EYA1: variants seen among roughly 807,000 people sequenced by gnomAD.
The protein encoded by EYA1 is EYA transcriptional coactivator and phosphatase 1, also known as protein phosphatase EYA1.
Under a neutral mutation model 82.0 loss-of-function variants are expected in EYA1, and 16 were observed. The observed-to-expected ratio is 0.20, with a 90% CI of 0.13 to 0.30. The LOEUF is 0.30. Among genes scored for constraint, EYA1 ranks in the 10% least tolerant of loss-of-function variants. The probability of loss-of-function intolerance (pLI) is 1.00; values close to 1 mark genes in which losing one functional copy is unlikely to be tolerated. For synonymous variants in EYA1, 261 were observed against 264.4 expected (o/e 0.99, Z 0.12); for missense variants, 633 against 730.7 (o/e 0.87, Z 1.54).
At chr8:71,496,589 C>T (rs1021170824) in intron 2 of EYA1, among the ~76,000 whole-genome samples, 5 of 152,074 alleles carry the variant, frequency 3.3e-5, no homozygotes, top group South Asian at 4.1e-4. Context: ...ACCCACAGAG[C>T]GAATATACCA....
At position 71,302,736 on chromosome 8, in the gene EYA1, G is replaced by A. The variant is rs570819824; in HGVS notation, c.557-3016C>T. On this transcript the variant is annotated intron_variant, in intron 7 of 17. Coordinates refer to ENST00000340726, the MANE Select transcript of EYA1 (RefSeq NM_000503.6). The stretch of plus-strand genomic sequence containing the variant: ...TTAGGCAAACAGAGCTGCTAAACTC[G>A]GACCAGGCCACAGCAGGGGACTTCT... 1.8e-4 allele frequency among the ~76,000 whole-genome samples: 26 copies of A among 141,648 alleles called. 1 individual carries two copies. The highest frequency in any genetic ancestry group is 3.5e-3 in the Middle Eastern group (1 of 284). The allele number at this position is 141,648 out of a possible 152,430, so 92.9% of individuals were successfully genotyped here.
intron 1 of EYA1, among the ~76,000 whole-genome samples, chr8:71,359,972 T>C (rs934943845): frequency 3.3e-5 from 5 of 152,108 alleles, no homozygotes; most frequent in African/African-American, 1.2e-4. Flanking sequence ...AATCGATATC[T>C]CCAACTATGG....
intron 8 of EYA1, among the ~76,000 whole-genome samples, chr8:71,299,436 T>C (rs1286907317): frequency 6.6e-6 from 1 of 152,198 alleles, no homozygotes; most frequent in Non-Finnish European, 1.5e-5. Context: ...ATTTTTGCTT[T>C]TCTATGATGC....
intron 2 of EYA1, among the ~76,000 whole-genome samples, chr8:71,470,225 G>A (rs1174071800): frequency 3.3e-5 from 5 of 152,016 alleles, no homozygotes; most frequent in Non-Finnish European, 5.9e-5. Flanking sequence ...TTTCCAGTAG[G>A]ATTTTAAAGA....
intron 11 of EYA1, among the ~76,000 whole-genome samples, chr8:71,251,907 A>C (rs528841695): frequency 3.9e-5 from 6 of 152,322 alleles, no homozygotes; most frequent in Non-Finnish European, 8.8e-5. Flanking sequence ...TATTCTGGAC[A>C]AAAGCAGTGC....
intron 2 of EYA1, 108 bp from the exon 3 acceptor site, chr8:71,355,017 T>C (rs753371586): frequency 1.9e-5 from 21 of 1,102,562 alleles, no homozygotes; most frequent in Non-Finnish European, 1.7e-5. Context: ...AAAAGTCCCA[T>C]TGTATCTATT....
intron 1 of EYA1, among the ~76,000 whole-genome samples, chr8:71,543,433 GT>G (rs1166061229): frequency 6.6e-6 from 1 of 152,130 alleles, no homozygotes; most frequent in Non-Finnish European, 1.5e-5. Context: ...ACAAAGTTGA[GT>G]TTTAAAAATA....
intron 2 of EYA1, among the ~76,000 whole-genome samples, chr8:71,385,184 G>A (rs10111603): frequency 0.73 from 111,158 of 151,648 alleles, 41,644 homozygotes; most frequent in African/African-American, 0.85. Context: ...GAATTAAGCA[G>A]ATGGATTTCT....
chr8:71,320,435 T>A (rs904147903), intron 6 of EYA1, among the ~76,000 whole-genome samples: 3 of 152,208 alleles, frequency 2.0e-5, no homozygotes, highest in Non-Finnish European at 4.4e-5. Context: ...TGGGAGCTGA[T>A]CCTTTTTCTT....
chr8:71,453,630 A>G (rs1009165271), intron 2 of EYA1, among the ~76,000 whole-genome samples: 1 of 152,222 alleles, frequency 6.6e-6, no homozygotes, highest in Non-Finnish European at 1.5e-5. Context: ...ATTCTTAAAC[A>G]AAAGAATTTT....
intron 12 of EYA1, among the ~76,000 whole-genome samples, chr8:71,232,093 A>G (rs1242596786): frequency 6.6e-6 from 1 of 152,232 alleles, no homozygotes; most frequent in East Asian, 1.9e-4. Context: ...TTTCAACCTC[A>G]GCTTTACCAT....
Position 71,370,786 on chromosome 8 carries a change from A to AT in EYA1, c.34-14276dup, listed in dbSNP as rs201310816. 3.9e-3 allele frequency among the ~76,000 whole-genome samples: 561 copies of AT among 143,588 alleles called. 2 individuals carry two copies. Among genetic ancestry groups the AT allele is most frequent in the African/African-American group, 9.1e-3 (359 of 39,260 alleles). The allele number at this position is 143,588 out of a possible 152,430, so 94.2% of individuals were successfully genotyped here. ...CAGGCACTTACCACCATGCCTAGCT[A>AT]TTTTTTTTTTTTATTTTACGTACAG... On this transcript the variant is annotated intron_variant, in intron 2 of 18. Transcript: ENST00000643681.
intron 9 of EYA1, among the ~76,000 whole-genome samples, chr8:71,282,942 T>TTG (rs1365375180): frequency 6.6e-6 from 1 of 151,634 alleles, no homozygotes; most frequent in Non-Finnish European, 1.5e-5. Flanking sequence ...CACCTTGTTT[T>TTG]TTTTTTTTTT....
intron 5 of EYA1, 26 bp from the exon 6 acceptor site, chr8:71,321,905 A>G (rs747536540): frequency 4.3e-6 from 7 of 1,614,094 alleles, no homozygotes; most frequent in African/African-American, 1.3e-5. Context: ...GACAGAAAAT[A>G]GAAAGCCCAT....
chr8:71,393,291 TTTATTA>T (rs562269826), intron 2 of EYA1, among the ~76,000 whole-genome samples: 5 of 151,142 alleles, frequency 3.3e-5, no homozygotes, highest in Non-Finnish European at 5.9e-5. Flanking sequence ...GTAATTTTCT[TTTATTA>T]TTATTATTAT....
chr8:71,322,474 AG>A (rs1330184524), intron 4 of EYA1: 3 of 578,020 alleles, frequency 5.2e-6, no homozygotes, highest in Non-Finnish European at 6.1e-6. Context: ...AAACTGATTA[AG>A]GGCTCTAGTT....
chr8:71,464,046 A>G (rs1808604130), intron 2 of EYA1, among the ~76,000 whole-genome samples: 1 of 152,158 alleles, frequency 6.6e-6, no homozygotes, highest in Non-Finnish European at 1.5e-5. Context: ...CCCACTAAAC[A>G]GATTTTCCTT....
chr8:71,292,536 C>A (rs1255840432), intron 9 of EYA1, among the ~76,000 whole-genome samples: 1 of 151,994 alleles, frequency 6.6e-6, no homozygotes, highest in East Asian at 1.9e-4. Context: ...CCCTTCTACT[C>A]ATAAATTACA....
intron 2 of EYA1, among the ~76,000 whole-genome samples, chr8:71,461,260 T>G (rs1191731972): frequency 6.6e-6 from 1 of 151,884 alleles, no homozygotes; most frequent in Non-Finnish European, 1.5e-5. Context: ...ACCCGGCTCA[T>G]GCTACTGGCA....
Sources: gnomAD v4.1 joint callset for allele counts (sites outside exome capture counted in the v4.1 genomes callset) on GRCh38, gnomAD v4.1.1 for gene constraint, MANE v1.5 for transcripts, NCBI Gene and HGNC (gene_info 2026-07-23, HGNC 2026-07-21) for gene names.